The following MAPKAP1 variants were observed in gnomAD, a reference collection of about 807,000 sequenced individuals.
MAPKAP1 encodes MAPK associated protein 1, also known as target of rapamycin complex 2 subunit MAPKAP1.
MAPKAP1 carries 20 observed loss-of-function variants against 65.7 expected under a neutral mutation model. The ratio of observed to expected loss-of-function variants is 0.30; its 90% CI spans 0.21 to 0.44. The LOEUF is 0.44. Ranked by LOEUF, MAPKAP1 falls within the 20% of genes least tolerant of loss-of-function variation. MAPKAP1 has a pLI of 1.00. For synonymous variants in MAPKAP1, 222 were observed against 244.3 expected, an observed-to-expected ratio of 0.91 and a Z score of 0.85; for missense variants, 423 against 648.0, an observed-to-expected ratio of 0.65 and a Z score of 3.77.
chr9:125,458,361 C>T (rs1024185111), intron 10 of MAPKAP1, among the ~76,000 whole-genome samples: 4 of 151,952 alleles, frequency 2.6e-5, no homozygotes, highest in Non-Finnish European at 5.9e-5. Context: ...GAGGACCCTG[C>T]GGCCCTCTGC....
At chr9:125,554,619 T>C (rs540426133) in intron 6 of MAPKAP1, among the ~76,000 whole-genome samples, 6 of 152,046 alleles carry the variant, frequency 3.9e-5, no homozygotes, top group African/African-American at 1.4e-4. Flanking sequence ...GGCAACACAG[T>C]GAGACCTTGT....
chr9:125,639,387 G>A (rs1833513598), intron 4 of MAPKAP1, among the ~76,000 whole-genome samples: 1 of 152,162 alleles, frequency 6.6e-6, no homozygotes, highest in Non-Finnish European at 1.5e-5. Context: ...ACCTCTCACT[G>A]CGGGGGTTAT....
chr9:125,492,080 T>G (rs1369869110), intron 8 of MAPKAP1, among the ~76,000 whole-genome samples: 1 of 149,166 alleles, frequency 6.7e-6, no homozygotes, highest in Non-Finnish European at 1.5e-5. Context: ...GGTGCACACC[T>G]GTAGTCCCAG....
At chr9:125,442,128 CAAAAAA>C (rs71492449) in intron 11 of MAPKAP1, among the ~76,000 whole-genome samples, 2 of 38,760 alleles carry the variant, frequency 5.2e-5, no homozygotes, top group Non-Finnish European at 9.7e-5. Flanking sequence ...GACTCTGTCT[CAAAAAA>C]AAAAAAAAAA....
At position 125,582,748 on chromosome 9, in the gene MAPKAP1, A is replaced by G. The variant is rs573625471; in HGVS notation, c.671+2807T>C. ...CTCACTCCAGCTTCTAGTTTCTGTC[A>G]TTTCCTCTGGTCCCCGTCCAGGGAT... On this transcript the variant is annotated intron_variant, in intron 5 of 11. Coordinates refer to ENST00000265960, the MANE Select transcript of MAPKAP1 (RefSeq NM_001006617.3). Among the ~76,000 whole-genome samples the G allele has an allele frequency of 1.9e-4, 29 of 152,240 alleles. No individual in the cohort carries two copies. The South Asian group carries it at 4.8e-3, about 25-fold the overall frequency.
chr9:125,564,513 G>A (rs1830989745), intron 5 of MAPKAP1, among the ~76,000 whole-genome samples: 1 of 152,152 alleles, frequency 6.6e-6, no homozygotes, highest in Non-Finnish European at 1.5e-5. Context: ...GCAGTATGAA[G>A]AATGCAGGGA....
chr9:125,590,496 A>G (rs1475580647), intron 4 of MAPKAP1, among the ~76,000 whole-genome samples: 1 of 151,994 alleles, frequency 6.6e-6, no homozygotes, highest in Non-Finnish European at 1.5e-5. Context: ...CTAAAACTAC[A>G]AAAATCAGCC....
chr9:125,586,376 G>A (rs1395506369), intron 4 of MAPKAP1, among the ~76,000 whole-genome samples: 1 of 152,048 alleles, frequency 6.6e-6, no homozygotes, highest in Non-Finnish European at 1.5e-5. Flanking sequence ...GAGCTGCTGC[G>A]CTAATCAGCA....
At position 125,589,092 on chromosome 9, in the gene MAPKAP1, A is replaced by G. The variant is rs117609848; in HGVS notation, c.499-3365T>C. ...CCTTGGGAGGTTACTTAATCTCTCT[A>G]TGCTTCTGTTTCCTCATATGTAAAA... On this transcript the variant is annotated intron_variant, in intron 4 of 11. Transcript: ENST00000265960. Among the ~76,000 whole-genome samples, 461 of 152,130 alleles carry G rather than the reference A, an allele frequency of 3.0e-3. 1 individual carries two copies. Among genetic ancestry groups the G allele is most frequent in the Non-Finnish European group, 4.9e-3 (334 of 67,992 alleles).
At chr9:125,492,397 G>A (rs1276506261) in intron 8 of MAPKAP1, among the ~76,000 whole-genome samples, 5 of 152,196 alleles carry the variant, frequency 3.3e-5, no homozygotes, top group African/African-American at 1.2e-4. Flanking sequence ...CTGTGTATAT[G>A]TGTTATAATC....
chr9:125,522,221 G>A (rs1348399819), intron 7 of MAPKAP1, among the ~76,000 whole-genome samples: 1 of 152,220 alleles, frequency 6.6e-6, no homozygotes, highest in Admixed American at 6.5e-5. Context: ...GCCTTTGCAG[G>A]AAGAAAGAGA....
At chr9:125,592,689 G>A (rs1351137085) in intron 4 of MAPKAP1, among the ~76,000 whole-genome samples, 1 of 151,958 alleles carries the variant, frequency 6.6e-6, no homozygotes, top group African/African-American at 2.4e-5. Flanking sequence ...CAGATCACGA[G>A]GTCAGGAGAT....
chr9:125,470,644 G>T (rs1393738284), intron 9 of MAPKAP1, among the ~76,000 whole-genome samples: 1 of 152,214 alleles, frequency 6.6e-6, no homozygotes, highest in Non-Finnish European at 1.5e-5. Context: ...CACAGCCACA[G>T]AACACTTTCC....
chr9:125,666,689 T>C (rs1386105305), intron 3 of MAPKAP1, among the ~76,000 whole-genome samples: 1 of 152,056 alleles, frequency 6.6e-6, no homozygotes, highest in African/African-American at 2.4e-5. Context: ...ATCAAAAAGA[T>C]TTAGATGTGG....
intron 9 of MAPKAP1, among the ~76,000 whole-genome samples, chr9:125,479,275 C>T (rs921736842): frequency 2.0e-5 from 3 of 152,050 alleles, no homozygotes; most frequent in South Asian, 2.1e-4. Context: ...TGGGGTTTTT[C>T]GGTCATAGAA....
At chr9:125,472,686 A>G (rs1853965509) in intron 9 of MAPKAP1, among the ~76,000 whole-genome samples, 1 of 152,244 alleles carries the variant, frequency 6.6e-6, no homozygotes, top group Non-Finnish European at 1.5e-5. Flanking sequence ...GTAATAGAGG[A>G]ATAGTTGATC....
intron 6 of MAPKAP1, among the ~76,000 whole-genome samples, chr9:125,554,102 TAG>T (rs1467022244): frequency 6.6e-6 from 1 of 152,300 alleles, no homozygotes; most frequent in East Asian, 1.9e-4. Flanking sequence ...TTCCAGCAGC[TAG>T]AGTTATTTAA....
intron 3 of MAPKAP1, among the ~76,000 whole-genome samples, chr9:125,661,819 G>A (rs1834194225): frequency 6.6e-6 from 1 of 152,016 alleles, no homozygotes; most frequent in African/African-American, 2.4e-5. Flanking sequence ...TGAAATACAT[G>A]AACCTAAGTA....
chr9:125,651,891 C>T (rs1833904143), intron 4 of MAPKAP1, among the ~76,000 whole-genome samples: 2 of 152,202 alleles, frequency 1.3e-5, no homozygotes, highest in Non-Finnish European at 2.9e-5. Flanking sequence ...AAGGCCACTG[C>T]CTCAGCTCAG....
Sources: gnomAD v4.1 joint callset for allele counts (sites outside exome capture counted in the v4.1 genomes callset) on GRCh38, gnomAD v4.1.1 for gene constraint, MANE v1.5 for transcripts, NCBI Gene and HGNC (gene_info 2026-07-23, HGNC 2026-07-21) for gene names.